Variants in KDM5B observed in about 807,000 individuals in gnomAD.
KDM5B encodes the protein lysine-specific demethylase 5B.
A neutral mutation model predicts 193.4 loss-of-function variants in KDM5B; 144 were observed. The ratio of observed to expected loss-of-function variants is 0.74; its 90% CI spans 0.65 to 0.86. KDM5B has a LOEUF of 0.86. Among genes scored for constraint, KDM5B ranks in the 40% least tolerant of loss-of-function variants. KDM5B has a pLI of 0.00. For synonymous variants in KDM5B, 668 were observed against 682.6 expected, an observed-to-expected ratio of 0.98 and a Z score of 0.33; for missense variants, 1,833 against 1,886.9, an observed-to-expected ratio of 0.97 and a Z score of 0.53.
At position 202,731,836 on chromosome 1, in the gene KDM5B, G is replaced by C; in HGVS notation, c.4013C>G (p.Pro1338Arg). 6.2e-7 allele frequency: 1 copy of C among 1,603,826 alleles called. No individual in the cohort carries two copies. The highest frequency in any genetic ancestry group is 8.5e-7 in the Non-Finnish European group (1 of 1,170,764). Residue 1338 changes from proline (P) to arginine (R), a missense_variant, in exon 24 of 27, where the codon CCC (proline) becomes CGC (arginine). Coordinates refer to ENST00000367265, the MANE Select transcript of KDM5B (RefSeq NM_006618.5). ...AATAACAAAATACAAACCATGGAGG[G>C]GGATACAACTTCGTCCAGTTGAGAA... ...SPFSTGRSCI[P>R]LHGVSPEVNE... is the part of the protein sequence containing the mutation.
Position 202,729,902 on chromosome 1 carries a change from T to G in KDM5B, c.4302A>C (p.Lys1434Asn). 6.2e-7 allele frequency: 1 copy of G among 1,614,176 alleles called. No individual in the cohort carries two copies. Among genetic ancestry groups the G allele is most frequent in the Non-Finnish European group, 8.5e-7 (1 of 1,180,000 alleles). Residue 1434 changes from lysine (K) to asparagine (N), a missense_variant, in exon 26 of 27, where the codon AAA (lysine) becomes AAC (asparagine). By Grantham distance (94) the Lys-to-Asn change is moderately conservative. Around this residue, in one of 3 missense-constraint regions of KDM5B, gnomAD observed 1,379 missense variants for 1,349.6 expected, o/e 1.02. Transcript: ENST00000367265. ...GGTGGCTCAGTTTGATTTTCTTCTT[T>G]TTGGGGGTCCGCATTTTCTTAACTC... ...WERVKKMRTPKKKKIKLSHPK... is the reference protein window; with the variant it reads ...WERVKKMRTPNKKKIKLSHPK...
At chr1:202,740,865 C>G in intron 19 of KDM5B, 53 bp from the exon 20 acceptor site, 1 of 1,522,654 alleles carries the variant, frequency 6.6e-7, no homozygotes, top group South Asian at 1.2e-5. Flanking sequence ...GTTCATTTTT[C>G]TTATGGTTAC....
At chr1:202,788,261 T>C (rs1484111324) in intron 1 of KDM5B, among the ~76,000 whole-genome samples, 1 of 152,236 alleles carries the variant, frequency 6.6e-6, no homozygotes, top group East Asian at 1.9e-4. Context: ...CACAATCATG[T>C]AGACTTTTAA....
rs761895507 is a variant in KDM5B at position 202,802,403 on chromosome 1, TTGTG to T, written c.204+5695_204+5698del. ...TTGTTGTTGTTTGTTGTTGTTGTTG[TTGTG>T]TTTGTTTTCTTTTTTGAGCCTGTTG... On this transcript the variant is annotated intron_variant, in intron 1 of 26. Coordinates refer to ENST00000367265, the MANE Select transcript of KDM5B (RefSeq NM_006618.5). Among the ~76,000 whole-genome samples the T allele has an allele frequency of 2.6e-5, 4 of 152,170 alleles. No individual in the cohort carries two copies. In the South Asian group the frequency reaches 8.3e-4, roughly 32 times the overall value.
At chr1:202,739,279 C>G (rs1266773575) in intron 20 of KDM5B, among the ~76,000 whole-genome samples, 1 of 152,176 alleles carries the variant, frequency 6.6e-6, no homozygotes, top group Non-Finnish European at 1.5e-5. Context: ...AAGTTGGTGA[C>G]ACTGTCTAAG....
At position 202,736,156 on chromosome 1, in the gene KDM5B, A is replaced by C. The variant is rs1328396136; in HGVS notation, c.3264+57T>G. On this transcript the variant is annotated intron_variant, in intron 21 of 26. Coordinates refer to ENST00000367265, the MANE Select transcript of KDM5B (RefSeq NM_006618.5). ...GTCATCTTTGTATGTGATGAACTGC[A>C]TGTTTTACCAAACTAGGAGATCTAA... 14 of 1,268,752 alleles carry C rather than the reference A, an allele frequency of 1.1e-5. No homozygotes were observed. The Admixed American group carries it at 2.0e-4, about 18-fold the overall frequency. The allele number at this position is 1,268,752 out of a possible 1,614,324, so 78.6% of individuals were successfully genotyped here.
rs1056780767 is a variant in KDM5B, at chr1:202,724,984, G to C, written c.*4052C>G. 4 of 152,154 alleles carry C rather than the reference G, an allele frequency of 2.6e-5. No individual in the cohort carries two copies. The highest frequency in any genetic ancestry group is 4.4e-5 in the Non-Finnish European group (3 of 68,032). The allele number at this position is 152,154 out of a possible 1,614,324, so 9.4% of individuals were successfully genotyped here. On this transcript the variant is annotated 3_prime_UTR_variant, in exon 27 of 27. Coordinates refer to ENST00000367265, the MANE Select transcript of KDM5B (RefSeq NM_006618.5). ...TAATTTCTCAATTTTCCCATCCAAG[G>C]GGAGGCAGAAAGAATGTTCTTTGGC...
intron 14 of KDM5B, among the ~76,000 whole-genome samples, chr1:202,746,788 G>T (rs1406192258): frequency 6.6e-6 from 1 of 152,194 alleles, no homozygotes; most frequent in African/African-American, 2.4e-5. Context: ...CAGAAATTGA[G>T]TTTGGGAAGA....
At chr1:202,798,274 GT>G (rs796111912) in intron 1 of KDM5B, among the ~76,000 whole-genome samples, 1 of 150,172 alleles carries the variant, frequency 6.7e-6, no homozygotes, top group African/African-American at 2.4e-5. Context: ...ATATTCTAGG[GT>G]TTTTTTTGTT....
rs1012151136 is a variant in KDM5B at position 202,729,405 on chromosome 1, C to T, written c.4498-232G>A. ...GCTTTGGGGTTAAGACAGCGCTGCC[C>T]TGTGATAAGTAAGCCAAAGGGCATC... On this transcript the variant is annotated intron_variant, in intron 26 of 26. Coordinates refer to ENST00000367265, the MANE Select transcript of KDM5B (RefSeq NM_006618.5). The T allele has an allele frequency of 2.5e-5, 15 of 607,602 alleles. No individual in the cohort carries two copies. The Admixed American group carries it at 4.1e-4, about 17-fold the overall frequency. The allele number at this position is 607,602 out of a possible 1,614,324, so 37.6% of individuals were successfully genotyped here.
In KDM5B at chr1:202,729,946, A is replaced by G. The variant is rs1461762358; in HGVS notation, c.4258T>C (p.Ser1420Pro). The change falls in exon 26 of 27, where the codon TCC becomes CCC. Residue 1420 changes from serine to proline, a missense_variant. Physicochemically the swap from Ser to Pro is moderately conservative, Grantham distance 74 (BLOSUM62 -1). Around this residue, in one of 3 missense-constraint regions of KDM5B, gnomAD observed 1,379 missense variants for 1,349.6 expected, o/e 1.02. Coordinates refer to ENST00000367265, the MANE Select transcript of KDM5B (RefSeq NM_006618.5). ...LKRRLEREGL[S>P]SERWERVKKM... ...TTAACTCGTTCCCACCGCTCACTGG[A>G]GAGGCCCTCTCTTTCCAGGCGTCTC... 6.2e-7 allele frequency: 1 copy of G among 1,614,046 alleles called. No homozygotes were observed. The highest frequency in any genetic ancestry group is 8.5e-7 in the Non-Finnish European group (1 of 1,179,992).
intron 4 of KDM5B, among the ~76,000 whole-genome samples, chr1:202,769,687 A>T (rs1183836572): frequency 6.6e-6 from 1 of 151,342 alleles, no homozygotes; most frequent in East Asian, 2.0e-4. Flanking sequence ...AAAAAAAAAA[A>T]AAAAAAAAAT....
chr1:202,775,096 G>C (rs1217372377), intron 2 of KDM5B, among the ~76,000 whole-genome samples: 1 of 149,404 alleles, frequency 6.7e-6, no homozygotes, highest in African/African-American at 2.5e-5. Context: ...AATCAGCCTA[G>C]TGTGGTGGCG....
At chr1:202,790,335 T>C (rs1348172368) in intron 1 of KDM5B, among the ~76,000 whole-genome samples, 4 of 152,194 alleles carry the variant, frequency 2.6e-5, no homozygotes, top group East Asian at 3.9e-4. Context: ...CTCAGCACTT[T>C]TGGAGGCCAA....
rs1008053713 is a variant in KDM5B, at chr1:202,774,788, T to C, written c.283-53A>G. On this transcript the variant is annotated intron_variant, in intron 2 of 26. Transcript: ENST00000367265. ...CTCATTTAGCTTATTTTAAAGCTCC[T>C]ATTACCTGCCATTATTTTCTTTCAC... 2.6e-6 allele frequency: 4 copies of C among 1,527,254 alleles called. No individual in the cohort carries two copies. In the Admixed American group the frequency reaches 5.8e-5, roughly 22 times the overall value. The allele number at this position is 1,527,254 out of a possible 1,614,324, so 94.6% of individuals were successfully genotyped here. A position where few individuals can be genotyped will look rare whatever the true frequency, so the allele number is the denominator to read the frequency against.
intron 20 of KDM5B, among the ~76,000 whole-genome samples, chr1:202,736,882 TCCTCCCACCTTGG>T (rs1247302635): frequency 6.6e-6 from 1 of 152,042 alleles, no homozygotes; most frequent in Non-Finnish European, 1.5e-5. Flanking sequence ...CCTCAAGCAA[TCCTCCCACCTTGG>T]CCTCCCAAAG....
intron 12 of KDM5B, among the ~76,000 whole-genome samples, chr1:202,751,000 C>T (rs1003708218): frequency 2.0e-5 from 3 of 152,110 alleles, no homozygotes; most frequent in African/African-American, 7.2e-5. Flanking sequence ...AGTATCTGAA[C>T]ACAAAACAAA....
intron 1 of KDM5B, among the ~76,000 whole-genome samples, chr1:202,786,660 T>C (rs962207246): frequency 6.6e-6 from 1 of 152,236 alleles, no homozygotes; most frequent in Non-Finnish European, 1.5e-5. Context: ...ACTTCTTGAC[T>C]GCATGTTCTT....
intron 1 of KDM5B, 125 bp downstream of exon 1, chr1:202,807,977 C>G (rs112577603): frequency 0.07 from 69,778 of 996,540 alleles, 2,733 homozygotes; most frequent in Non-Finnish European, 0.078. Context: ...TAGGCAGCCC[C>G]AAACTTGACG....
Sources: allele counts gnomAD v4.1 joint callset (sites outside exome capture counted in the v4.1 genomes callset), GRCh38; gene constraint gnomAD v4.1.1; regional missense constraint gnomAD v4.1.1; transcripts MANE v1.5; gene names NCBI Gene and HGNC (gene_info 2026-07-23, HGNC 2026-07-21).